The following DHX30 variants were observed in gnomAD, a reference collection of about 807,000 sequenced individuals.
DHX30 encodes ATP-dependent RNA helicase DHX30.
In DHX30, 4 loss-of-function variants were observed where a neutral mutation model predicts 116.9. The ratio of observed to expected loss-of-function variants is 0.03; its 90% CI spans 0.02 to 0.08. The LOEUF (loss-of-function observed/expected upper bound fraction) is 0.08, where lower values mean the gene tolerates loss of function less well. Ranked by LOEUF, DHX30 falls within the 10% of genes least tolerant of loss-of-function variation. The pLI is 1.00. For synonymous variants in DHX30, 697 were observed against 651.7 expected (o/e 1.07, Z -1.06); for missense variants, 871 against 1,595.1 (o/e 0.55, Z 7.73).
rs573519749 is a variant in DHX30 at position 47,812,947 on chromosome 3, G to C, written c.28+2236G>C. On this transcript the variant is annotated intron_variant, in intron 3 of 21. Coordinates refer to ENST00000445061, the MANE Select transcript of DHX30 (RefSeq NM_138615.3). ...CCCAAAGTGTTGGGATTACAGGCGT[G>C]AGCCACCAGCAGGAGATTACATTTC... Among the ~76,000 whole-genome samples, 112 of 151,918 alleles carry C rather than the reference G, an allele frequency of 7.4e-4. 1 individual carries two copies. The highest frequency in any genetic ancestry group is 2.7e-3 in the African/African-American group (110 of 41,480).
intron 4 of DHX30, chr3:47,825,262 G>T: frequency 1.7e-6 from 1 of 571,810 alleles, no homozygotes. Flanking sequence ...GGGCATCGGC[G>T]GGGGCGGGCG....
chr3:47,847,268 C>T lies in DHX30; in HGVS notation c.1930-5C>T. On this transcript the variant is annotated splice_polypyrimidine_tract_variant and splice_region_variant and intron_variant, in intron 11 of 21. Transcript: ENST00000445061. This position sits in a 1 kb window ranked among gnomAD's most constrained non-coding sequence, Gnocchi z 5.5. ...GTGACTGTGGCCTCTCTTCCCCCAC[C>T]CCAGTCTGAGGATGAATGCGCACTC... is the stretch of plus-strand genomic sequence containing the variant. 1 of 1,614,250 alleles carries T rather than the reference C, an allele frequency of 6.2e-7. No homozygotes were observed. The highest frequency in any genetic ancestry group is 8.5e-7 in the Non-Finnish European group (1 of 1,180,042).
chr3:47,847,413 C>A lies in DHX30; in HGVS notation c.2006-19C>A. The A allele has an allele frequency of 6.2e-7, 1 of 1,613,858 alleles. No individual in the cohort carries two copies. Among genetic ancestry groups the A allele is most frequent in the Non-Finnish European group, 8.5e-7 (1 of 1,179,738 alleles). On this transcript the variant is annotated intron_variant, in intron 12 of 21. Transcript: ENST00000445061. This position sits in a 1 kb window ranked among gnomAD's most constrained non-coding sequence, Gnocchi z 5.5. ...CGTTTGCAGCAACAGCTGGCTCATGCCCCAGGGCTCCTTTACAGGTGGGAT... is the reference window on the plus strand; with the variant it reads ...CGTTTGCAGCAACAGCTGGCTCATGACCCAGGGCTCCTTTACAGGTGGGAT...
chr3:47,819,000 G>A (rs1365247159), intron 4 of DHX30, among the ~76,000 whole-genome samples: 1 of 152,182 alleles, frequency 6.6e-6, no homozygotes, highest in African/African-American at 2.4e-5. Context: ...CAGGAGGAGT[G>A]TGGGGAACAC....
chr3:47,838,544 A>T (rs1239028473), intron 6 of DHX30, among the ~76,000 whole-genome samples: 1 of 152,204 alleles, frequency 6.6e-6, no homozygotes, highest in East Asian at 1.9e-4. Context: ...TTATCTCAAA[A>T]ACCCAAGGAG....
chr3:47,806,667 G>A (rs889743368), intron 2 of DHX30, among the ~76,000 whole-genome samples: 4 of 151,002 alleles, frequency 2.6e-5, no homozygotes, highest in Non-Finnish European at 5.9e-5. Context: ...TGCTGGTCTC[G>A]AACTCCTGAC....
At chr3:47,842,679 C>G (rs1177013847) in intron 8 of DHX30, 1 of 154,780 alleles carries the variant, frequency 6.5e-6, no homozygotes, top group Non-Finnish European at 1.4e-5. Flanking sequence ...CTTAATTCGT[C>G]TCAAAGTGTG....
chr3:47,808,391 A>C (rs1312386238), intron 2 of DHX30, among the ~76,000 whole-genome samples: 2 of 149,632 alleles, frequency 1.3e-5, no homozygotes, highest in Non-Finnish European at 3.0e-5. Flanking sequence ...TAATTCTGAA[A>C]ATTTTTTTTA....
intron 4 of DHX30, chr3:47,825,176 A>G (rs892882956): frequency 7.5e-6 from 5 of 663,622 alleles, no homozygotes; most frequent in African/African-American, 3.8e-5. Flanking sequence ...GACCACACCA[A>G]GGAAGCCGCC....
intron 2 of DHX30, among the ~76,000 whole-genome samples, chr3:47,809,803 A>T (rs995086143): frequency 3.3e-5 from 5 of 152,216 alleles, no homozygotes; most frequent in Non-Finnish European, 7.3e-5. Context: ...AATGTTGGAC[A>T]TGATTCTGAT....
intron 4 of DHX30, among the ~76,000 whole-genome samples, chr3:47,818,969 G>T (rs967374499): frequency 6.6e-6 from 1 of 152,132 alleles, no homozygotes; most frequent in African/African-American, 2.4e-5. Flanking sequence ...TGTCTGTAAA[G>T]TGCTTTGAAG....
Position 47,848,889 on chromosome 3 carries a change from G to A in DHX30, c.2770-31G>A, listed in dbSNP as rs1207657948. ...AGGGGGCGTTGTCTAGCCCCTGCCT[G>A]TGATCCGGCTGCCCTCTTCTCCCCT... On this transcript the variant is annotated intron_variant, in intron 17 of 21. Coordinates refer to ENST00000445061, the MANE Select transcript of DHX30 (RefSeq NM_138615.3). This position sits in a 1 kb window ranked among gnomAD's most constrained non-coding sequence, Gnocchi z 9.4. 1.8e-5 allele frequency: 29 copies of A among 1,596,174 alleles called. No homozygotes were observed. Among genetic ancestry groups the A allele is most frequent in the Non-Finnish European group, 2.4e-5 (28 of 1,167,362 alleles).
chr3:47,845,914 C>G, intron 10 of DHX30, 62 bp downstream of exon 10: 2 of 1,541,952 alleles, frequency 1.3e-6, no homozygotes, highest in Middle Eastern at 1.8e-4. Context: ...TCTCTCCAGA[C>G]TGAAGGCCTC....
chr3:47,815,499 A>G (rs1317330900), intron 3 of DHX30, among the ~76,000 whole-genome samples: 1 of 152,164 alleles, frequency 6.6e-6, no homozygotes, highest in Non-Finnish European at 1.5e-5. Context: ...GGAAACAGCT[A>G]TAGCAATTCC....
At chr3:47,836,220 C>T (rs1559709880) in intron 6 of DHX30, among the ~76,000 whole-genome samples, 1 of 152,040 alleles carries the variant, frequency 6.6e-6, no homozygotes, top group Non-Finnish European at 1.5e-5. Context: ...CTGTCTGCCT[C>T]CTGGATTTAA....
chr3:47,844,858 T>C (rs1576514693), intron 9 of DHX30, among the ~76,000 whole-genome samples: 3 of 152,128 alleles, frequency 2.0e-5, no homozygotes, highest in East Asian at 3.9e-4. Flanking sequence ...ATAATCGACA[T>C]TTACAGGAAA....
chr3:47,814,460 T>A (rs1576466428), intron 3 of DHX30, among the ~76,000 whole-genome samples: 2 of 149,662 alleles, frequency 1.3e-5, no homozygotes, highest in Admixed American at 1.3e-4. Context: ...AAAAAAAAAT[T>A]TTTTTTTCCT....
At chr3:47,821,432 A>T (rs1241784768) in intron 4 of DHX30, among the ~76,000 whole-genome samples, 1 of 151,048 alleles carries the variant, frequency 6.6e-6, no homozygotes, top group African/African-American at 2.4e-5. Flanking sequence ...TGCCTGGCTA[A>T]TTTTTTGTAT....
chr3:47,828,272 C>A (rs564550190), intron 5 of DHX30, among the ~76,000 whole-genome samples: 1 of 150,944 alleles, frequency 6.6e-6, no homozygotes, highest in Non-Finnish European at 1.5e-5. Context: ...CCAGCCTGGG[C>A]AACATAGTGA....
Sources: allele counts gnomAD v4.1 joint callset (sites outside exome capture counted in the v4.1 genomes callset), GRCh38; gene constraint gnomAD v4.1.1; non-coding constraint Gnocchi (gnomAD v3.1); transcripts MANE v1.5; gene names NCBI Gene and HGNC (gene_info 2026-07-23, HGNC 2026-07-21).